SRGAP2C: variants seen among roughly 807,000 people sequenced by gnomAD.
The protein encoded by SRGAP2C is SLIT-ROBO Rho GTPase-activating protein 2C.
In SRGAP2C, 15 loss-of-function variants were observed where a neutral mutation model predicts 25.1. The ratio of observed to expected loss-of-function variants is 0.60; its 90% CI spans 0.40 to 0.92. The LOEUF (loss-of-function observed/expected upper bound fraction) is 0.92. Ranked by LOEUF, SRGAP2C falls within the 40% of genes least tolerant of loss-of-function variation. The probability of loss-of-function intolerance (pLI) is 0.00; values close to 1 mark genes in which losing one functional copy is unlikely to be tolerated. For synonymous variants in SRGAP2C, 44 were observed against 96.6 expected, an observed-to-expected ratio of 0.46 and a Z score of 3.19; for missense variants, 144 against 264.4, an observed-to-expected ratio of 0.54 and a Z score of 3.16.
chr1:121,273,948 C>T (rs1238800567), intron 2 of SRGAP2C, among the ~76,000 whole-genome samples: 1 of 151,462 alleles, frequency 6.6e-6, no homozygotes, highest in African/African-American at 2.4e-5. Flanking sequence ...CCAGGAACAG[C>T]CATTGCAACA....
chr1:121,234,830 C>T (rs587633304), intron 2 of SRGAP2C, among the ~76,000 whole-genome samples: 17 of 149,704 alleles, frequency 1.1e-4, no homozygotes, highest in Admixed American at 5.3e-4. Context: ...CTTGCTCTTT[C>T]GCTCTCTCTT....
intron 4 of SRGAP2C, among the ~76,000 whole-genome samples, chr1:121,344,074 C>G (rs1391210825): frequency 7.1e-6 from 1 of 141,306 alleles, no homozygotes; most frequent in African/African-American, 2.6e-5. Flanking sequence ...CTCTGAAATT[C>G]TGTAATTAAG....
chr1:121,224,784 G>T (rs1384940190), intron 2 of SRGAP2C, among the ~76,000 whole-genome samples: 26 of 152,026 alleles, frequency 1.7e-4, no homozygotes, highest in Non-Finnish European at 3.4e-4. Context: ...ATAAATATTT[G>T]CATTTACCTT....
At chr1:121,374,595 G>GA (rs1348480724) in intron 6 of SRGAP2C, among the ~76,000 whole-genome samples, 1 of 152,136 alleles carries the variant, frequency 6.6e-6, no homozygotes, top group Non-Finnish European at 1.5e-5. Context: ...TTTGAAGATA[G>GA]AATCAAAGCG....
chr1:121,275,639 G>A lies in SRGAP2C; in HGVS notation c.68-9164G>A, dbSNP rs587696011. On this transcript the variant is annotated intron_variant, in intron 2 of 9. Transcript: ENST00000367123. Reference sequence around the variant, plus strand: ...TAAGGCAGCCTGCCAAAGTAGTCACGATGATATTGAAATATCCCTCTCATT... The same window carrying A: ...TAAGGCAGCCTGCCAAAGTAGTCACAATGATATTGAAATATCCCTCTCATT... Among the ~76,000 whole-genome samples the A allele has an allele frequency of 9.3e-5, 14 of 150,752 alleles. No individual in the cohort carries two copies. In the South Asian group the frequency reaches 2.7e-3, roughly 29 times the overall value.
At chr1:121,285,984 G>C (rs1657355585) in intron 3 of SRGAP2C, among the ~76,000 whole-genome samples, 2 of 152,162 alleles carry the variant, frequency 1.3e-5, no homozygotes, top group African/African-American at 2.4e-5. Context: ...TACAATAGCT[G>C]ATGAGCTTAA....
chr1:121,369,502 C>T (rs1262128910), intron 5 of SRGAP2C, among the ~76,000 whole-genome samples: 1 of 152,054 alleles, frequency 6.6e-6, no homozygotes, highest in East Asian at 1.9e-4. Context: ...TGTACTCCCC[C>T]TAAGTTTACA....
At chr1:121,370,488 C>G (rs1307010628) in intron 5 of SRGAP2C, among the ~76,000 whole-genome samples, 4 of 123,474 alleles carry the variant, frequency 3.2e-5, no homozygotes, top group African/African-American at 1.2e-4. Context: ...GTTGCCCAGG[C>G]TGGAGTGCAG....
intron 4 of SRGAP2C, among the ~76,000 whole-genome samples, chr1:121,346,981 A>C (rs1362175307): frequency 6.6e-6 from 1 of 152,158 alleles, no homozygotes; most frequent in Non-Finnish European, 1.5e-5. Flanking sequence ...CTTGGTGTCC[A>C]CAAATCAACT....
rs587693001 is a variant in SRGAP2C at position 121,365,922 on chromosome 1, C to T, written c.486+567C>T. On this transcript the variant is annotated intron_variant, in intron 5 of 9. Coordinates refer to ENST00000367123, the MANE Select transcript of SRGAP2C (RefSeq NM_001329984.2). Reference sequence around the variant, plus strand: ...CAAACCTCAGTGACGAGGCAGGCTGCGGGCTTGAAGAAGAGAACACAATCT... The same window carrying T: ...CAAACCTCAGTGACGAGGCAGGCTGTGGGCTTGAAGAAGAGAACACAATCT... Among the ~76,000 whole-genome samples the T allele has an allele frequency of 2.7e-5, 4 of 146,362 alleles. No individual in the cohort carries two copies. In the South Asian group the frequency reaches 8.9e-4, roughly 32 times the overall value.
chr1:121,322,187 A>G (rs1487901930), intron 3 of SRGAP2C, among the ~76,000 whole-genome samples: 17 of 149,262 alleles, frequency 1.1e-4, no homozygotes, highest in African/African-American at 2.6e-5. Flanking sequence ...CCAATTGTCA[A>G]TGTAAAGTCT....
At chr1:121,312,323 T>C (rs1247499249) in intron 3 of SRGAP2C, among the ~76,000 whole-genome samples, 1 of 55,532 alleles carries the variant, frequency 1.8e-5, no homozygotes, top group African/African-American at 6.6e-5. Context: ...CTTTTTTTCT[T>C]TATTAGTCTT....
chr1:121,268,240 C>T (rs1315173157), intron 2 of SRGAP2C, among the ~76,000 whole-genome samples: 2 of 151,182 alleles, frequency 1.3e-5, no homozygotes, highest in Non-Finnish European at 3.0e-5. Context: ...GAGCAGAGAG[C>T]TCAATGAAGT....
chr1:121,368,379 T>G, intron 5 of SRGAP2C, among the ~76,000 whole-genome samples: 1 of 142,232 alleles, frequency 7.0e-6, no homozygotes, highest in African/African-American at 2.7e-5. Context: ...CACTCCAGCC[T>G]GGGGGACAGA....
chr1:121,284,716 AG>A (rs1657320981), intron 2 of SRGAP2C, 86 bp from the exon 3 acceptor site: 1 of 407,398 alleles, frequency 2.5e-6, no homozygotes, highest in Non-Finnish European at 4.1e-6. Flanking sequence ...ACGGGGAATA[AG>A]TAAGTGGAAG....
At chr1:121,202,459 T>C (rs1430158496) in intron 2 of SRGAP2C, among the ~76,000 whole-genome samples, 1 of 146,696 alleles carries the variant, frequency 6.8e-6, no homozygotes, top group Non-Finnish European at 1.5e-5. Flanking sequence ...GGCAGAGTCT[T>C]GCTCTGTCAC....
chr1:121,208,533 G>T (rs1314315825), intron 2 of SRGAP2C, among the ~76,000 whole-genome samples: 1 of 152,226 alleles, frequency 6.6e-6, no homozygotes, highest in Non-Finnish European at 1.5e-5. Flanking sequence ...TAGCAAGTCT[G>T]CCAGGTTGAG....
At chr1:121,272,390 G>C (rs1174787200) in intron 2 of SRGAP2C, among the ~76,000 whole-genome samples, 1 of 151,690 alleles carries the variant, frequency 6.6e-6, no homozygotes, top group Non-Finnish European at 1.5e-5. Flanking sequence ...AGCCCAGGCA[G>C]TCCAGTTCCA....
Position 121,390,695 on chromosome 1 carries a change from C to T in SRGAP2C, c.*2840C>T, listed in dbSNP as rs1381170260. Reference sequence around the variant, plus strand: ...GGAAAATAATTGTGGAGTTAAGAAACTTGAAGCGATTTTTAAAAATTACCT... The same window carrying T: ...GGAAAATAATTGTGGAGTTAAGAAATTTGAAGCGATTTTTAAAAATTACCT... On this transcript the variant is annotated 3_prime_UTR_variant, in exon 10 of 10. Coordinates refer to ENST00000367123, the MANE Select transcript of SRGAP2C (RefSeq NM_001329984.2). 6 of 110,974 alleles carry T rather than the reference C, an allele frequency of 5.4e-5. No individual in the cohort carries two copies. Among genetic ancestry groups the T allele is most frequent in the South Asian group, 6.5e-4 (2 of 3,074 alleles). The allele number at this position is 110,974 out of a possible 1,614,324, so 6.9% of individuals were successfully genotyped here.
Sources: allele counts gnomAD v4.1 joint callset (sites outside exome capture counted in the v4.1 genomes callset), GRCh38; gene constraint gnomAD v4.1.1; transcripts MANE v1.5; gene names NCBI Gene and HGNC (gene_info 2026-07-23, HGNC 2026-07-21).